CDCP1: variants seen among roughly 807,000 people sequenced by gnomAD.
CDCP1 encodes CUB domain containing protein 1.
A neutral mutation model predicts 60.2 loss-of-function variants in CDCP1; 29 were observed. The observed-to-expected ratio is 0.48, with a 90% CI of 0.36 to 0.66. The LOEUF (loss-of-function observed/expected upper bound fraction) is 0.66, where lower values mean the gene tolerates loss of function less well. Among genes scored for constraint, CDCP1 ranks in the 30% least tolerant of loss-of-function variants. The pLI is 0.00. For missense variants in CDCP1, 876 were observed against 1,074.3 expected, an observed-to-expected ratio of 0.82 and a Z score of 2.58; for synonymous variants, 387 against 431.1, an observed-to-expected ratio of 0.90 and a Z score of 1.27.
In CDCP1 at chr3:45,112,394, G is replaced by A. The variant is rs1261313753; in HGVS notation, c.344C>T (p.Thr115Ile). Reference protein sequence around the residue: ...PFGEVQLQPSTSLLPTLNRTF... With the variant: ...PFGEVQLQPSISLLPTLNRTF... ...TCTGTTGAGGGTAGGCAACAACGATGTCGAGGGCTGAAGCTGAACCTCCCC... is the reference window on the plus strand; with the variant it reads ...TCTGTTGAGGGTAGGCAACAACGATATCGAGGGCTGAAGCTGAACCTCCCC... Residue 115 changes from threonine to isoleucine, a missense_variant, in exon 3 of 9, where the codon ACA becomes ATA. Transcript: ENST00000296129. 1 of 1,614,240 alleles carries A rather than the reference G, an allele frequency of 6.2e-7. No homozygotes were observed. Among genetic ancestry groups the A allele is most frequent in the African/African-American group, 1.3e-5 (1 of 75,074 alleles).
At chr3:45,134,187 C>T (rs1015985469) in intron 1 of CDCP1, among the ~76,000 whole-genome samples, 9 of 151,358 alleles carry the variant, frequency 5.9e-5, no homozygotes, top group African/African-American at 1.9e-4. Flanking sequence ...TGCAGTGGTG[C>T]GATCTATGCT....
chr3:45,120,203 T>A (rs1698859686), intron 1 of CDCP1, among the ~76,000 whole-genome samples: 1 of 152,254 alleles, frequency 6.6e-6, no homozygotes, highest in African/African-American at 2.4e-5. Flanking sequence ...GTGAGCATGC[T>A]GTATTCCCAC....
Position 45,146,255 on chromosome 3 carries a change from T to G in CDCP1, c.33A>C (p.Ala11=), listed in dbSNP as rs781610537. 1.9e-6 allele frequency: 3 copies of G among 1,593,198 alleles called. No individual in the cohort carries two copies. MAGLNCGVSI[A]LLGVLLLGAA... ...CACCCAGCAGCAGAACCCCTAGCAGTGCGATAGAGACCCCGCAGTTCAGGC... is the reference window on the plus strand; with the variant it reads ...CACCCAGCAGCAGAACCCCTAGCAGGGCGATAGAGACCCCGCAGTTCAGGC... Residue 11 remains alanine, a synonymous_variant, in exon 1 of 9, where the codon GCA becomes GCC. Transcript: ENST00000296129.
At chr3:45,137,635 C>A (rs1292837449) in intron 1 of CDCP1, among the ~76,000 whole-genome samples, 2 of 133,104 alleles carry the variant, frequency 1.5e-5, no homozygotes, top group Non-Finnish European at 1.6e-5. Flanking sequence ...GGTGAAACCC[C>A]ATCTCTATTA....
intron 1 of CDCP1, among the ~76,000 whole-genome samples, chr3:45,124,867 A>AT (rs1327495304): frequency 1.3e-5 from 2 of 152,182 alleles, no homozygotes; most frequent in African/African-American, 4.8e-5. Context: ...CACACACACC[A>AT]TTGCAATGAT....
intron 6 of CDCP1, 122 bp downstream of exon 6, chr3:45,093,155 G>C: frequency 9.0e-7 from 1 of 1,110,190 alleles, no homozygotes; most frequent in Admixed American, 2.4e-5. Context: ...TCTTGTGCAA[G>C]GACCAGCATA....
At chr3:45,087,872 A>G (rs75921512) in intron 8 of CDCP1, among the ~76,000 whole-genome samples, 1 of 152,058 alleles carries the variant, frequency 6.6e-6, no homozygotes, top group Middle Eastern at 3.2e-3. Context: ...ACAAAAAAAA[A>G]TTAGCTGGGC....
chr3:45,132,051 C>T (rs1014797643), intron 1 of CDCP1, among the ~76,000 whole-genome samples: 13 of 150,528 alleles, frequency 8.6e-5, no homozygotes, highest in Admixed American at 5.3e-4. Context: ...CTGGCCAACA[C>T]GGTAAAACTC....
In CDCP1 at chr3:45,110,738, C is replaced by T; in HGVS notation, c.759G>A (p.Gln253=). ...CCCGCAGGTGTGCAGGAACGACAAA[C>T]TGCCACGTCATGAGCTCATCCTCAG... ...GFPEDELMTW[Q]FVVPAHLRAS... The change falls in exon 4 of 9, where the codon CAG becomes CAA. Residue 253 remains glutamine, a synonymous_variant. Coordinates refer to ENST00000296129, the MANE Select transcript of CDCP1 (RefSeq NM_022842.5). 1 of 1,614,214 alleles carries T rather than the reference C, an allele frequency of 6.2e-7. No homozygotes were observed. Among genetic ancestry groups the T allele is most frequent in the Non-Finnish European group, 8.5e-7 (1 of 1,180,048 alleles).
chr3:45,136,932 G>A (rs2126008865), intron 1 of CDCP1, among the ~76,000 whole-genome samples: 1 of 152,312 alleles, frequency 6.6e-6, no homozygotes, highest in Non-Finnish European at 1.5e-5. Context: ...TGATGGAAAT[G>A]TTATACCATG....
intron 1 of CDCP1, among the ~76,000 whole-genome samples, chr3:45,129,518 T>G (rs1699052427): frequency 6.6e-6 from 1 of 152,220 alleles, no homozygotes; most frequent in African/African-American, 2.4e-5. Flanking sequence ...TTAAATCACA[T>G]TAACATTTTA....
At chr3:45,111,947 TAA>T in intron 3 of CDCP1, 134 bp downstream of exon 3, 1 of 1,147,670 alleles carries the variant, frequency 8.7e-7, no homozygotes, top group Non-Finnish European at 1.2e-6. Context: ...ATGTCACTTA[TAA>T]GAGAGCTAGA....
chr3:45,140,482 A>G (rs1253838660), intron 1 of CDCP1, among the ~76,000 whole-genome samples: 3 of 152,180 alleles, frequency 2.0e-5, no homozygotes, highest in Admixed American at 6.5e-5. Flanking sequence ...TTATTTAAGC[A>G]TATTCCCACC....
chr3:45,131,145 T>C (rs1433341024), intron 1 of CDCP1, among the ~76,000 whole-genome samples: 1 of 151,896 alleles, frequency 6.6e-6, no homozygotes, highest in African/African-American at 2.4e-5. Flanking sequence ...GACGGGTGCA[T>C]GCCATCGTGC....
chr3:45,126,771 T>C (rs1001237050), intron 1 of CDCP1, among the ~76,000 whole-genome samples: 1 of 152,168 alleles, frequency 6.6e-6, no homozygotes, highest in Non-Finnish European at 1.5e-5. Flanking sequence ...TCCTTAATAT[T>C]AGGCAGCCCC....
At chr3:45,102,544 C>T (rs1326021067) in intron 4 of CDCP1, among the ~76,000 whole-genome samples, 10 of 150,772 alleles carry the variant, frequency 6.6e-5, no homozygotes, top group African/African-American at 1.9e-4. Context: ...GTGGCTCATG[C>T]CTGTAATCCC....
At chr3:45,142,609 A>G (rs1699309698) in intron 1 of CDCP1, among the ~76,000 whole-genome samples, 1 of 152,236 alleles carries the variant, frequency 6.6e-6, no homozygotes, top group Non-Finnish European at 1.5e-5. Flanking sequence ...GGCTCTCCAC[A>G]GGTGACATGG....
rs370538333 is a variant in CDCP1, at chr3:45,136,142, T to C, written c.82+10064A>G. Reference sequence around the variant, plus strand: ...AAATGACCTTGGACTGGGCTAGATCTTTTCAAGACCTTCTGAGAATTCAGG... The same window carrying C: ...AAATGACCTTGGACTGGGCTAGATCCTTTCAAGACCTTCTGAGAATTCAGG... On this transcript the variant is annotated intron_variant, in intron 1 of 8. Transcript: ENST00000296129. Among the ~76,000 whole-genome samples, 7 of 152,306 alleles carry C rather than the reference T, an allele frequency of 4.6e-5. No individual in the cohort carries two copies. The South Asian group carries it at 8.3e-4, about 18-fold the overall frequency.
Position 45,097,303 on chromosome 3 carries a change from T to C in CDCP1, c.1025-1735A>G, listed in dbSNP as rs532339464. Among the ~76,000 whole-genome samples, 319 of 142,592 alleles carry C rather than the reference T, an allele frequency of 2.2e-3. 2 individuals are homozygous for C. The highest frequency in any genetic ancestry group is 2.7e-3 in the Non-Finnish European group (177 of 65,212). The allele number at this position is 142,592 out of a possible 152,430, so 93.5% of individuals were successfully genotyped here. The stretch of plus-strand genomic sequence containing the variant: ...GCCTAGGCAATAGAGCAAGACTCTG[T>C]CTCCAAAAAAAAAAGAAAGAAAGAA... On this transcript the variant is annotated intron_variant, in intron 4 of 8. Transcript: ENST00000296129.
Sources: allele counts gnomAD v4.1 joint callset (sites outside exome capture counted in the v4.1 genomes callset), GRCh38; gene constraint gnomAD v4.1.1; transcripts MANE v1.5; gene names NCBI Gene and HGNC (gene_info 2026-07-23, HGNC 2026-07-21).